The following DACH1 variants were observed in gnomAD, a reference collection of about 807,000 sequenced individuals.
DACH1 encodes dachshund homolog 1.
In DACH1, 12 loss-of-function variants were observed where a neutral mutation model predicts 54.2. That is an observed-to-expected ratio of 0.22 (90% CI 0.14 to 0.36). DACH1 has a LOEUF of 0.36. DACH1 is among the 10% of genes least tolerant of loss of function. DACH1 has a pLI of 1.00. For synonymous variants in DACH1, 386 were observed against 366.2 expected, an observed-to-expected ratio of 1.05 and a Z score of -0.62; for missense variants, 805 against 929.8, an observed-to-expected ratio of 0.87 and a Z score of 1.75.
intron 1 of DACH1, among the ~76,000 whole-genome samples, chr13:71,697,201 G>T (rs553133488): frequency 6.6e-6 from 1 of 152,226 alleles, no homozygotes; most frequent in South Asian, 2.1e-4. Context: ...TTTTAGAGGA[G>T]CAATGTTTGG....
At chr13:71,667,916 T>C (rs546774360) in intron 2 of DACH1, among the ~76,000 whole-genome samples, 1 of 152,216 alleles carries the variant, frequency 6.6e-6, no homozygotes, top group Non-Finnish European at 1.5e-5. Context: ...GAATCCTACT[T>C]AAACATTTCT....
At chr13:71,535,239 A>G (rs1423214975) in intron 6 of DACH1, among the ~76,000 whole-genome samples, 1 of 151,602 alleles carries the variant, frequency 6.6e-6, no homozygotes, top group Non-Finnish European at 1.5e-5. Flanking sequence ...AAAACCTTAA[A>G]GAAGCATATT....
At chr13:71,642,371 C>T (rs1022064347) in intron 2 of DACH1, among the ~76,000 whole-genome samples, 1 of 152,088 alleles carries the variant, frequency 6.6e-6, no homozygotes, top group South Asian at 2.1e-4. Flanking sequence ...TGAGAAACAC[C>T]GACCTATGCT....
At chr13:71,733,377 T>C (rs1021794816) in intron 1 of DACH1, among the ~76,000 whole-genome samples, 9 of 152,148 alleles carry the variant, frequency 5.9e-5, no homozygotes, top group Admixed American at 3.9e-4. Context: ...AGATAAGGTC[T>C]CACTCTATTG....
intron 2 of DACH1, among the ~76,000 whole-genome samples, chr13:71,655,676 T>C (rs1879046529): frequency 6.6e-6 from 1 of 152,056 alleles, no homozygotes; most frequent in Non-Finnish European, 1.5e-5. Flanking sequence ...TGGCTGCCTC[T>C]TTCTTAATGA....
intron 6 of DACH1, among the ~76,000 whole-genome samples, chr13:71,519,928 A>G (rs1593827073): frequency 2.3e-5 from 1 of 43,588 alleles, no homozygotes; most frequent in East Asian, 8.3e-4. Flanking sequence ...CATAGCACAT[A>G]TATTGTGCAG....
intron 1 of DACH1, among the ~76,000 whole-genome samples, chr13:71,760,268 A>G (rs1309453802): frequency 6.6e-6 from 1 of 152,184 alleles, no homozygotes; most frequent in Non-Finnish European, 1.5e-5. Context: ...TTGAGCGTCT[A>G]TCATGCTGCC....
rs55651625 is a variant in DACH1, at chr13:71,864,180, T to TACACAC, written c.848+1736_848+1741dup. On this transcript the variant is annotated intron_variant, in intron 1 of 10. Coordinates refer to ENST00000613252, the MANE Select transcript of DACH1 (RefSeq NM_080759.6). ...ATACTTTTGAGCGCGCGCGCGCACA[T>TACACAC]ACACACACACACACACACACACACA... 3.2e-3 allele frequency among the ~76,000 whole-genome samples: 352 copies of TACACAC among 108,468 alleles called. 1 individual carries two copies. Among genetic ancestry groups the TACACAC allele is most frequent in the African/African-American group, 8.4e-3 (233 of 27,826 alleles). The allele number at this position is 108,468 out of a possible 152,430, so 71.2% of individuals were successfully genotyped here. A position where few individuals can be genotyped will look rare whatever the true frequency, so the allele number is the denominator to read the frequency against.
At chr13:71,455,343 G>T in intron 10 of DACH1, among the ~76,000 whole-genome samples, 1 of 151,844 alleles carries the variant, frequency 6.6e-6, no homozygotes, top group East Asian at 1.9e-4. Context: ...AGTCTATATA[G>T]ACAGATAGAT....
At chr13:71,778,584 T>C (rs1427434142) in intron 1 of DACH1, among the ~76,000 whole-genome samples, 1 of 151,636 alleles carries the variant, frequency 6.6e-6, no homozygotes, top group African/African-American at 2.4e-5. Context: ...GGCATAACTA[T>C]TGTTTTCTTT....
intron 6 of DACH1, among the ~76,000 whole-genome samples, chr13:71,520,438 G>A (rs191801472): frequency 5.8e-4 from 88 of 151,190 alleles, no homozygotes; most frequent in African/African-American, 1.8e-3. Context: ...ATTAGGGAAG[G>A]TGAAATAATG....
chr13:71,777,435 A>G (rs759613759), intron 1 of DACH1, among the ~76,000 whole-genome samples: 2 of 152,162 alleles, frequency 1.3e-5, no homozygotes, highest in South Asian at 2.1e-4. Flanking sequence ...CAAAAATTTT[A>G]TGGTACATCG....
chr13:71,613,706 T>C (rs1478395199), intron 3 of DACH1, among the ~76,000 whole-genome samples: 1 of 152,142 alleles, frequency 6.6e-6, no homozygotes, highest in Non-Finnish European at 1.5e-5. Flanking sequence ...TCTGAGGTTG[T>C]TGTGGGCTTT....
intron 1 of DACH1, among the ~76,000 whole-genome samples, chr13:71,811,154 T>TAATTATTAATTATTATTCACA (rs1415532967): frequency 6.6e-6 from 1 of 151,884 alleles, no homozygotes; most frequent in African/African-American, 2.4e-5. Flanking sequence ...ATTTATTAAT[T>TAATTATTAATTATTATTCACA]TTGTCCCAGT....
chr13:71,686,575 G>A (rs1026835091), intron 1 of DACH1, among the ~76,000 whole-genome samples: 3 of 152,196 alleles, frequency 2.0e-5, no homozygotes, highest in Admixed American at 2.0e-4. Flanking sequence ...AAGAAGCTTA[G>A]TGCAAAAGAG....
intron 1 of DACH1, among the ~76,000 whole-genome samples, chr13:71,826,368 C>T (rs1237093948): frequency 6.6e-6 from 1 of 152,070 alleles, no homozygotes; most frequent in East Asian, 1.9e-4. Context: ...TCTCCCAGTA[C>T]TCTACCTCAA....
Position 71,475,852 on chromosome 13 carries a change from A to G in DACH1, c.1871-3T>C. On this transcript the variant is annotated splice_region_variant and splice_polypyrimidine_tract_variant and intron_variant, in intron 8 of 10. Coordinates refer to ENST00000613252, the MANE Select transcript of DACH1 (RefSeq NM_080759.6). ...CTTTAGCCTCTTTTGAACTATGGCT[A>G]AAAAAGAGTGTATGCATATTATTAT... 3.8e-6 allele frequency: 6 copies of G among 1,599,138 alleles called. No homozygotes were observed. Among genetic ancestry groups the G allele is most frequent in the Non-Finnish European group, 5.1e-6 (6 of 1,173,868 alleles).
At chr13:71,807,707 A>T (rs1426182247) in intron 1 of DACH1, among the ~76,000 whole-genome samples, 1 of 152,192 alleles carries the variant, frequency 6.6e-6, no homozygotes, top group Non-Finnish European at 1.5e-5. Flanking sequence ...TTGGTAATTG[A>T]TTTCCTGAAA....
chr13:71,488,280 A>T (rs192112069), intron 7 of DACH1, among the ~76,000 whole-genome samples: 22 of 152,242 alleles, frequency 1.4e-4, no homozygotes, highest in African/African-American at 5.3e-4. Context: ...GATGACAAAA[A>T]TCTCCATCTG....
Sources: allele counts gnomAD v4.1 joint callset (sites outside exome capture counted in the v4.1 genomes callset), GRCh38; gene constraint gnomAD v4.1.1; transcripts MANE v1.5; gene names NCBI Gene and HGNC (gene_info 2026-07-23, HGNC 2026-07-21).